TEX11: variants seen among roughly 807,000 people sequenced by gnomAD.
TEX11 encodes testis-expressed protein 11.
TEX11 carries 7 observed loss-of-function variants against 84.4 expected under a neutral mutation model. That is an observed-to-expected ratio of 0.08 (90% CI 0.05 to 0.16). The LOEUF is 0.16. TEX11 is among the 10% of genes least tolerant of loss of function. The probability of loss-of-function intolerance (pLI) is 1.00; values close to 1 mark genes in which losing one functional copy is unlikely to be tolerated. For missense variants in TEX11, 551 were observed against 660.5 expected (o/e 0.83, Z 1.82); for synonymous variants, 264 against 222.8 (o/e 1.18, Z -1.64).
chrX:70,896,570 G>A (rs930003956), intron 2 of TEX11, among the ~76,000 whole-genome samples: 1 of 111,817 alleles, frequency 8.9e-6, no homozygotes, highest in Non-Finnish European at 1.9e-5. Context: ...ACAGGCACAT[G>A]TATGTTTACT....
In TEX11 at chrX:70,798,024, T is replaced by TG. The variant is rs1193038309; in HGVS notation, c.692+8680dup. Among the ~76,000 whole-genome samples, 31 of 59,468 alleles carry TG rather than the reference T, an allele frequency of 5.2e-4. No homozygotes were observed. The East Asian group carries it at 0.032, about 62-fold the overall frequency. The allele number at this position is 59,468 out of a possible 115,157, so 51.6% of individuals were successfully genotyped here. A position where few individuals can be genotyped will look rare whatever the true frequency, so the allele number is the denominator to read the frequency against. On this transcript the variant is annotated intron_variant, in intron 9 of 29. Coordinates refer to ENST00000374333, the MANE Select transcript of TEX11 (RefSeq NM_031276.3). ...TCTTAGCCAGAGCAATTAGGCAAGA[T>TG]GAGGGGGGGGGAAAGGCATTCAAAT...
In TEX11 at chrX:70,629,596, A is replaced by C. The variant is rs1232812071; in HGVS notation, c.1608+15T>G. The C allele has an allele frequency of 5.8e-6, 7 of 1,204,004 alleles. No homozygotes were observed. The highest frequency in any genetic ancestry group is 7.8e-6 in the Non-Finnish European group (7 of 891,975). ...AAAGGGATAAAAATCTAGTAGATGA[A>C]TACATATGAATTACCTCTAGAGCAA... On this transcript the variant is annotated intron_variant, in intron 18 of 29. Coordinates refer to ENST00000374333, the MANE Select transcript of TEX11 (RefSeq NM_031276.3).
chrX:70,852,436 C>T (rs1423117061), intron 7 of TEX11, among the ~76,000 whole-genome samples: 2 of 111,940 alleles, frequency 1.8e-5, no homozygotes, highest in African/African-American at 6.5e-5. Flanking sequence ...GCAATCTTTC[C>T]GCTTCAGGCT....
chrX:70,858,623 G>C (rs982626529), intron 5 of TEX11, among the ~76,000 whole-genome samples: 1 of 110,830 alleles, frequency 9.0e-6, no homozygotes, highest in South Asian at 3.8e-4. Context: ...ACACCACCAA[G>C]CATCCTCTAT....
At chrX:70,792,028 G>C in intron 9 of TEX11, among the ~76,000 whole-genome samples, 1 of 105,328 alleles carries the variant, frequency 9.5e-6, no homozygotes, top group Non-Finnish European at 1.9e-5. Flanking sequence ...GAGAGGCTGA[G>C]GCAGGAGAAT....
chrX:70,666,273 G>A (rs896708950), intron 16 of TEX11, among the ~76,000 whole-genome samples: 9 of 111,807 alleles, frequency 8.0e-5, no homozygotes, highest in Non-Finnish European at 1.5e-4. Flanking sequence ...GTTAGGCTTT[G>A]AAAAAGGGAA....
chrX:70,599,999 T>G (rs1389995786), intron 24 of TEX11, among the ~76,000 whole-genome samples: 1 of 110,922 alleles, frequency 9.0e-6, no homozygotes, highest in South Asian at 3.9e-4. Flanking sequence ...TGTGTATTTA[T>G]AGCAGCATGA....
chrX:70,705,960 A>G (rs1196841358), intron 13 of TEX11, among the ~76,000 whole-genome samples: 2 of 111,700 alleles, frequency 1.8e-5, no homozygotes, highest in East Asian at 5.6e-4. Flanking sequence ...ATTACCGGGT[A>G]TATACCCAAA....
the TEX11 span, among the ~76,000 whole-genome samples, chrX:70,512,321 C>T: frequency 9.3e-6 from 1 of 108,078 alleles, no homozygotes; most frequent in Non-Finnish European, 1.9e-5. Flanking sequence ...TGAGTTCAAG[C>T]GATTCTGATG....
chrX:70,597,210 C>T (rs1340709708), intron 24 of TEX11, among the ~76,000 whole-genome samples: 18 of 111,891 alleles, frequency 1.6e-4, no homozygotes, highest in African/African-American at 5.2e-4. Context: ...AATATTCTCC[C>T]TAAACTGATT....
At chrX:70,731,254 A>T (rs2090647638) in intron 11 of TEX11, among the ~76,000 whole-genome samples, 1 of 111,724 alleles carries the variant, frequency 9.0e-6, no homozygotes, top group African/African-American at 3.3e-5. Flanking sequence ...TTACAGAAGC[A>T]AGAGCAAACA....
chrX:70,523,777 T>C, the TEX11 span, among the ~76,000 whole-genome samples: 1 of 107,911 alleles, frequency 9.3e-6, no homozygotes, highest in Non-Finnish European at 1.9e-5. Flanking sequence ...CTCTTTTTTT[T>C]TTTTTTTTTG....
intron 9 of TEX11, among the ~76,000 whole-genome samples, chrX:70,759,304 G>C (rs906026757): frequency 2.5e-4 from 28 of 110,888 alleles, no homozygotes; most frequent in African/African-American, 7.9e-4. Context: ...AGCCTGGCAG[G>C]GACACAACAA....
At chrX:70,905,329 GAA>G (rs909771494) in intron 2 of TEX11, among the ~76,000 whole-genome samples, 1 of 106,349 alleles carries the variant, frequency 9.4e-6, no homozygotes, top group East Asian at 2.9e-4. Flanking sequence ...TGTCTCAAAA[GAA>G]AAAAAAAATC....
intron 25 of TEX11, among the ~76,000 whole-genome samples, chrX:70,560,128 T>A (rs2088345328): frequency 9.0e-6 from 1 of 110,959 alleles, no homozygotes; most frequent in South Asian, 3.8e-4. Context: ...TTTATACATT[T>A]TTTTTGGGTG....
In TEX11 at chrX:70,722,700, AC is replaced by A. The variant is rs1489990449; in HGVS notation, c.926-5del. 8.6e-7 allele frequency: 1 copy of A among 1,169,215 alleles called. No homozygotes were observed. Among genetic ancestry groups the A allele is most frequent in the Non-Finnish European group, 1.2e-6 (1 of 861,292 alleles). On this transcript the variant is annotated splice_polypyrimidine_tract_variant and splice_region_variant and intron_variant, in intron 12 of 29. Coordinates refer to ENST00000374333, the MANE Select transcript of TEX11 (RefSeq NM_031276.3). ...AGATGTAGTATTTCCATGACAGCTA[AC>A]AAGATGAAAAAATGAAATAATTATC...
intron 16 of TEX11, among the ~76,000 whole-genome samples, chrX:70,669,531 T>C (rs954846387): frequency 2.7e-5 from 3 of 112,793 alleles, no homozygotes; most frequent in Non-Finnish European, 5.6e-5. Context: ...TTTCAAGTTC[T>C]CTTCCAGGGC....
At chrX:70,571,887 T>C (rs1465257387) in intron 25 of TEX11, among the ~76,000 whole-genome samples, 3 of 111,726 alleles carry the variant, frequency 2.7e-5, no homozygotes, top group Non-Finnish European at 3.8e-5. Flanking sequence ...GTAATGAATG[T>C]GTAGGTGAGG....
At chrX:70,786,909 C>T (rs753824489) in intron 9 of TEX11, among the ~76,000 whole-genome samples, 6 of 111,576 alleles carry the variant, frequency 5.4e-5, no homozygotes, top group Admixed American at 9.5e-5. Context: ...CCAAAGCGGG[C>T]GGATTGCCTG....
Sources: allele counts gnomAD v4.1 joint callset (sites outside exome capture counted in the v4.1 genomes callset), GRCh38; gene constraint gnomAD v4.1.1; transcripts MANE v1.5; gene names NCBI Gene and HGNC (gene_info 2026-07-23, HGNC 2026-07-21).